Variants in CKAP2L observed in about 807,000 individuals in gnomAD.
CKAP2L encodes cytoskeleton-associated protein 2-like.
Under a neutral mutation model 65.7 loss-of-function variants are expected in CKAP2L, and 42 were observed. The ratio of observed to expected loss-of-function variants is 0.64; its 90% confidence interval spans 0.50 to 0.83. CKAP2L has a LOEUF of 0.83. Among genes scored for constraint, CKAP2L ranks in the 40% least tolerant of loss-of-function variants. The pLI is 0.00. For synonymous variants in CKAP2L, 325 were observed against 313.5 expected (o/e 1.04, Z -0.39); for missense variants, 908 against 871.0 (o/e 1.04, Z -0.53).
intron 6 of CKAP2L, among the ~76,000 whole-genome samples, chr2:112,743,433 T>C (rs1680093341): frequency 6.6e-6 from 1 of 152,108 alleles, no homozygotes; most frequent in Non-Finnish European, 1.5e-5. Flanking sequence ...TGAGCCACTG[T>C]ACCTGGCCCC....
At position 112,741,012 on chromosome 2, in the gene CKAP2L, G is replaced by A. The variant is rs750661238; in HGVS notation, c.1823-5C>T. The stretch of plus-strand genomic sequence containing the variant: ...CTAAAGAGTCAGAAGTAATCCCTGT[G>A]TATGTAAGATCATGAAGGAAAGTAA... On this transcript the variant is annotated splice_polypyrimidine_tract_variant and splice_region_variant and intron_variant, in intron 7 of 8. Coordinates refer to ENST00000302450, the MANE Select transcript of CKAP2L (RefSeq NM_152515.5). 1.3e-6 allele frequency: 2 copies of A among 1,587,340 alleles called. No individual in the cohort carries two copies. The highest frequency in any genetic ancestry group is 2.2e-5 in the East Asian group (1 of 44,532).
In CKAP2L at chr2:112,756,144, A is replaced by C. The variant is rs181016659; in HGVS notation, c.1227T>G (p.Asn409Lys). The C allele has an allele frequency of 8.1e-6, 13 of 1,614,100 alleles. No individual in the cohort carries two copies. The Admixed American group carries it at 1.5e-4, about 19-fold the overall frequency. The change falls in exon 4 of 9, where the codon AAT (asparagine) becomes AAG (lysine). Residue 409 changes from asparagine (N) to lysine (K), a missense_variant. Coordinates refer to ENST00000302450, the MANE Select transcript of CKAP2L (RefSeq NM_152515.5). ...NGTSGNKHNN[N>K]GFQQKAQTLD... Reference sequence around the variant, plus strand: ...AAGTCTGTGCTTTTTGCTGAAAGCCATTATTGTTATGTTTATTACCACTGG... The same window carrying C: ...AAGTCTGTGCTTTTTGCTGAAAGCCCTTATTGTTATGTTTATTACCACTGG...
intron 5 of CKAP2L, among the ~76,000 whole-genome samples, chr2:112,750,481 T>G (rs1370087661): frequency 6.6e-6 from 1 of 152,172 alleles, no homozygotes; most frequent in Non-Finnish European, 1.5e-5. Context: ...ACCTACACTG[T>G]CTCCAGAGCT....
At chr2:112,753,071 C>T (rs1680427168) in intron 4 of CKAP2L, among the ~76,000 whole-genome samples, 1 of 152,306 alleles carries the variant, frequency 6.6e-6, no homozygotes, top group East Asian at 1.9e-4. Flanking sequence ...AGGTGATAGA[C>T]TGCTTTTTGG....
At chr2:112,740,638 G>C (rs903952517) in intron 8 of CKAP2L, among the ~76,000 whole-genome samples, 180 bp downstream of exon 8, 8 of 152,170 alleles carry the variant, frequency 5.3e-5, no homozygotes, top group African/African-American at 1.9e-4. Context: ...ACAAATGAGA[G>C]TGAAAAGGTA....
rs1680532517 is a variant in CKAP2L, at chr2:112,756,327, A to G, written c.1044T>C (p.His348=). 2 of 1,613,616 alleles carry G rather than the reference A, an allele frequency of 1.2e-6. No individual in the cohort carries two copies. The highest frequency in any genetic ancestry group is 4.5e-5 in the East Asian group (2 of 44,874). The change falls in exon 4 of 9, where the codon CAT becomes CAC. Residue 348 remains histidine (H), a synonymous_variant. Coordinates refer to ENST00000302450, the MANE Select transcript of CKAP2L (RefSeq NM_152515.5). ...ACTTCTGATCTTGCTTGATGTTTGG[A>G]TGTCTGTTGTTATATTCACCCTGAA... ...SLLQGEYNNR[H]PNIKQDQKSS...
chr2:112,762,785 CTTTTTTTT>C (rs78440426), intron 1 of CKAP2L, among the ~76,000 whole-genome samples: 1 of 142,320 alleles, frequency 7.0e-6, no homozygotes, highest in Non-Finnish European at 1.5e-5. Flanking sequence ...AAACTTACTA[CTTTTTTTT>C]TTTTTTTTGA....
chr2:112,756,127 G>C lies in CKAP2L; in HGVS notation c.1244C>G (p.Ala415Gly). 4 of 1,614,136 alleles carry C rather than the reference G, an allele frequency of 2.5e-6. No individual in the cohort carries two copies. The highest frequency in any genetic ancestry group is 3.4e-6 in the Non-Finnish European group (4 of 1,180,014). ...TTTCAACTTGGAGTCCAAAGTCTGT[G>C]CTTTTTGCTGAAAGCCATTATTGTT... ...KHNNNGFQQK[A>G]QTLDSKLKKA... Residue 415 changes from alanine (A) to glycine (G), a missense_variant, in exon 4 of 9, where the codon GCA becomes GGA. Ala to Gly is a moderately conservative substitution (Grantham distance 60). Coordinates refer to ENST00000302450, the MANE Select transcript of CKAP2L (RefSeq NM_152515.5).
At chr2:112,753,229 G>A (rs77014277) in intron 4 of CKAP2L, among the ~76,000 whole-genome samples, 1,847 of 152,184 alleles carry the variant, frequency 0.012, 30 homozygotes, top group African/African-American at 0.041. Flanking sequence ...AAAACCCACC[G>A]CCTAGTTGAT....
Position 112,740,936 on chromosome 2 carries a change from A to G in CKAP2L, c.1894T>C (p.Ser632Pro). ...TTTGGAGAAAGACAAGACTTCACAG[A>G]TTCCATCTTCTTGGCCAGCTCTTCC... ...SVEELAKKME[S>P]VKSCLSPKER... Residue 632 changes from serine (S) to proline (P), a missense_variant, in exon 8 of 9, where the codon TCT becomes CCT. By Grantham distance (74) the Ser-to-Pro change is moderately conservative (BLOSUM62 -1). Transcript: ENST00000302450. 4 of 1,614,030 alleles carry G rather than the reference A, an allele frequency of 2.5e-6. No individual in the cohort carries two copies. Among genetic ancestry groups the G allele is most frequent in the Non-Finnish European group, 3.4e-6 (4 of 1,179,934 alleles).
Position 112,764,554 on chromosome 2 carries a change from G to A in CKAP2L, c.37+8C>T, listed in dbSNP as rs764145078. 1.2e-6 allele frequency: 2 copies of A among 1,614,016 alleles called. No homozygotes were observed. The highest frequency in any genetic ancestry group is 1.1e-5 in the South Asian group (1 of 91,090). On this transcript the variant is annotated splice_region_variant and intron_variant, in intron 1 of 8. Coordinates refer to ENST00000302450, the MANE Select transcript of CKAP2L (RefSeq NM_152515.5). ...CCTGAGAATAACGGGAACAGCGGTC[G>A]TACTCACCGACAGCGGCAGCAGCGG...
At chr2:112,751,846 G>A (rs953952479) in intron 5 of CKAP2L, among the ~76,000 whole-genome samples, 3 of 152,038 alleles carry the variant, frequency 2.0e-5, no homozygotes, top group African/African-American at 7.3e-5. Context: ...ACTATTTGTA[G>A]CTACCCAGAG....
At chr2:112,750,268 C>A (rs1680325502) in intron 5 of CKAP2L, among the ~76,000 whole-genome samples, 1 of 152,230 alleles carries the variant, frequency 6.6e-6, no homozygotes. Context: ...AGCACCCACA[C>A]TCCTTCTGAT....
chr2:112,762,562 C>T lies in CKAP2L; in HGVS notation c.45G>A (p.Arg15=). 1 of 1,613,544 alleles carries T rather than the reference C, an allele frequency of 6.2e-7. No individual in the cohort carries two copies. The highest frequency in any genetic ancestry group is 8.5e-7 in the Non-Finnish European group (1 of 1,179,462). ...GPTAAAAVEE[R]QRKLQEYLAA... ...CAAGGTACTCCTGAAGCTTTCTCTG[C>T]CGCTCTTCTGCAACACAGGCAAGCA... Residue 15 remains arginine, a synonymous_variant, in exon 2 of 9, where the codon CGG becomes CGA. Transcript: ENST00000302450.
chr2:112,753,217 G>T (rs1049369574), intron 4 of CKAP2L, among the ~76,000 whole-genome samples: 1 of 152,110 alleles, frequency 6.6e-6, no homozygotes, highest in South Asian at 2.1e-4. Flanking sequence ...CCCAAACTTT[G>T]TAAAACCCAC....
At chr2:112,741,577 T>A (rs1398681594) in intron 7 of CKAP2L, among the ~76,000 whole-genome samples, 1 of 152,342 alleles carries the variant, frequency 6.6e-6, no homozygotes, top group Admixed American at 6.5e-5. Flanking sequence ...GTGAGGTCAA[T>A]AGGGTGCAAC....
At position 112,760,775 on chromosome 2, in the gene CKAP2L, CAAATT is replaced by C; in HGVS notation, c.105-16_105-12del. On this transcript the variant is annotated splice_polypyrimidine_tract_variant and intron_variant, in intron 2 of 8. Coordinates refer to ENST00000302450, the MANE Select transcript of CKAP2L (RefSeq NM_152515.5). ...GATTTTAGATAAGGCCTATAAAAGA[CAAATT>C]AAAATTAATCCTCAGCACAGAAGGA... 7.0e-7 allele frequency: 1 copy of C among 1,432,028 alleles called. No individual in the cohort carries two copies. The allele number at this position is 1,432,028 out of a possible 1,614,324, so 88.7% of individuals were successfully genotyped here.
In CKAP2L at chr2:112,764,582, G is replaced by A; in HGVS notation, c.17C>T (p.Pro6Leu). Residue 6 changes from proline (P) to leucine (L), a missense_variant, in exon 1 of 9, where the codon CCT becomes CTT. By Grantham distance (98) the Pro-to-Leu change is moderately conservative. Coordinates refer to ENST00000302450, the MANE Select transcript of CKAP2L (RefSeq NM_152515.5). ...CTCACCGACAGCGGCAGCAGCGGTAGGCCCGGGCCCCACCATGACTCTTCA... is the reference window on the plus strand; with the variant it reads ...CTCACCGACAGCGGCAGCAGCGGTAAGCCCGGGCCCCACCATGACTCTTCA... MVGPGPTAAAAVEERQ... is the reference protein window; with the variant it reads MVGPGLTAAAAVEERQ... 6.2e-7 allele frequency: 1 copy of A among 1,614,212 alleles called. No individual in the cohort carries two copies. Among genetic ancestry groups the A allele is most frequent in the Non-Finnish European group, 8.5e-7 (1 of 1,180,022 alleles).
rs774982375 is a variant in CKAP2L at position 112,740,789 on chromosome 2, A to C, written c.2012+29T>G. On this transcript the variant is annotated intron_variant, in intron 8 of 8. Transcript: ENST00000302450. ...ACTTGGACTAGAATTAAGTCTGTGA[A>C]CACAAAGTCTGCTTTAGAGTTTGCT... 21 of 1,563,150 alleles carry C rather than the reference A, an allele frequency of 1.3e-5. No individual in the cohort carries two copies. In the East Asian group the frequency reaches 4.3e-4, roughly 32 times the overall value.
Sources: allele counts gnomAD v4.1 joint callset (sites outside exome capture counted in the v4.1 genomes callset), GRCh38; gene constraint gnomAD v4.1.1; transcripts MANE v1.5; gene names NCBI Gene and HGNC (gene_info 2026-07-23, HGNC 2026-07-21).